ACTR3C: variants seen among roughly 807,000 people sequenced by gnomAD.
The protein encoded by ACTR3C is actin related protein 3C.
Under a neutral mutation model 26.3 loss-of-function variants are expected in ACTR3C, and 18 were observed. The observed-to-expected ratio is 0.68, with a 90% CI of 0.47 to 1.01. ACTR3C has a LOEUF of 1.01. Ranked by LOEUF, ACTR3C falls within the 50% of genes least tolerant of loss-of-function variation. The pLI is 0.00. For missense variants in ACTR3C, 184 were observed against 250.7 expected, an observed-to-expected ratio of 0.73 and a Z score of 1.80; for synonymous variants, 55 against 94.5, an observed-to-expected ratio of 0.58 and a Z score of 2.42.
chr7:150,146,820 C>G, the ACTR3C span, among the ~76,000 whole-genome samples: 24 of 152,294 alleles, frequency 1.6e-4, no homozygotes, highest in South Asian at 4.3e-3. Flanking sequence ...TGCTAAATAA[C>G]TGATGTATTT....
the ACTR3C span, among the ~76,000 whole-genome samples, chr7:150,180,552 GC>G: frequency 7.3e-6 from 1 of 136,098 alleles, no homozygotes; most frequent in Non-Finnish European, 1.5e-5. Flanking sequence ...TCGCTCTGTC[GC>G]CCAGGCTGGA....
chr7:149,964,972 ATTGTT>A, the ACTR3C span, among the ~76,000 whole-genome samples: 70 of 152,282 alleles, frequency 4.6e-4, no homozygotes, highest in Admixed American at 2.8e-3. Context: ...CCTCAAAAAT[ATTGTT>A]TTATTTATTG....
chr7:149,886,300 G>A, the ACTR3C span, among the ~76,000 whole-genome samples: 1 of 152,144 alleles, frequency 6.6e-6, no homozygotes, highest in East Asian at 1.9e-4. Flanking sequence ...AAAAATACCT[G>A]GGGCCTGCTT....
chr7:149,888,228 T>A, the ACTR3C span, among the ~76,000 whole-genome samples: 1 of 152,234 alleles, frequency 6.6e-6, no homozygotes, highest in Admixed American at 6.5e-5. Flanking sequence ...CCCCTATTAA[T>A]GACCCCTGTG....
intron 6 of ACTR3C, among the ~76,000 whole-genome samples, chr7:150,277,462 C>A (rs1014944475): frequency 2.6e-5 from 4 of 152,224 alleles, no homozygotes; most frequent in Admixed American, 1.3e-4. Flanking sequence ...ACCTGTTACT[C>A]TCCCTTGGTG....
At position 150,280,210 on chromosome 7, in the gene ACTR3C, T is replaced by C. The variant is rs559138644; in HGVS notation, c.564+4543A>G. Among the ~76,000 whole-genome samples the C allele has an allele frequency of 2.8e-4, 42 of 152,192 alleles. No homozygotes were observed. In the South Asian group the frequency reaches 8.7e-3, roughly 32 times the overall value. ...CCAATTACATCAGAATCTCCCAGGG[T>C]GGGACCCAGACTCCGGTCCATTTTA... On this transcript the variant is annotated intron_variant, in intron 6 of 7. Transcript: ENST00000683684.
chr7:149,936,835 C>T, the ACTR3C span, among the ~76,000 whole-genome samples: 1 of 151,888 alleles, frequency 6.6e-6, no homozygotes, highest in Non-Finnish European at 1.5e-5. Context: ...GTTGGCCAGG[C>T]TGGAGTGCAG....
the ACTR3C span, among the ~76,000 whole-genome samples, chr7:150,045,880 T>A: frequency 6.6e-6 from 1 of 152,226 alleles, no homozygotes; most frequent in East Asian, 1.9e-4. Flanking sequence ...TTCAACAATT[T>A]TAAGTCAGAT....
the ACTR3C span, among the ~76,000 whole-genome samples, chr7:149,897,994 C>T: frequency 6.6e-6 from 1 of 152,220 alleles, no homozygotes; most frequent in Non-Finnish European, 1.5e-5. Context: ...TTCCCCACCT[C>T]CTTTTCTCAT....
chr7:149,974,396 G>C, the ACTR3C span, among the ~76,000 whole-genome samples: 3 of 151,778 alleles, frequency 2.0e-5, no homozygotes, highest in South Asian at 4.2e-4. Flanking sequence ...AGGTATGCTT[G>C]TTAAAATAAG....
chr7:150,029,415 A>AAC, the ACTR3C span, among the ~76,000 whole-genome samples: 48 of 92,288 alleles, frequency 5.2e-4, 1 homozygote, highest in African/African-American at 1.4e-3. Context: ...AAAAAAAAAA[A>AAC]AACAAACAAA....
chr7:150,138,958 C>T, the ACTR3C span, among the ~76,000 whole-genome samples: 1 of 152,300 alleles, frequency 6.6e-6, no homozygotes, highest in African/African-American at 2.4e-5. Flanking sequence ...TCACTGTCTC[C>T]CATCATCCCC....
chr7:149,889,009 A>C, the ACTR3C span, among the ~76,000 whole-genome samples: 7 of 151,134 alleles, frequency 4.6e-5, no homozygotes, highest in Non-Finnish European at 1.0e-4. Context: ...ACTCCACCTG[A>C]AAAAAAAATA....
chr7:150,162,729 C>T, the ACTR3C span, among the ~76,000 whole-genome samples: 2 of 152,198 alleles, frequency 1.3e-5, no homozygotes, highest in African/African-American at 4.8e-5. Flanking sequence ...GCAATGGCAA[C>T]AATATCATCA....
the ACTR3C span, among the ~76,000 whole-genome samples, chr7:150,217,781 C>CCT: frequency 7.0e-6 from 1 of 142,440 alleles, no homozygotes; most frequent in East Asian, 2.2e-4. Context: ...GCAACAAGGA[C>CCT]CTCTTCTTTC....
chr7:150,100,793 T>G, the ACTR3C span, among the ~76,000 whole-genome samples: 2 of 151,224 alleles, frequency 1.3e-5, no homozygotes, highest in Admixed American at 1.3e-4. Flanking sequence ...AACCTCCCCC[T>G]CCCCGGGCTC....
At chr7:149,918,800 G>C in the ACTR3C span, among the ~76,000 whole-genome samples, 1 of 152,208 alleles carries the variant, frequency 6.6e-6, no homozygotes, top group African/African-American at 2.4e-5. Context: ...AGGACCCATC[G>C]TGCCTGACTT....
At chr7:150,223,605 A>G in the ACTR3C span, among the ~76,000 whole-genome samples, 1 of 151,818 alleles carries the variant, frequency 6.6e-6, no homozygotes, top group Non-Finnish European at 1.5e-5. Flanking sequence ...CTTACAATGG[A>G]GTTACAACAT....
At chr7:150,201,751 C>CA in the ACTR3C span, among the ~76,000 whole-genome samples, 603 of 117,964 alleles carry the variant, frequency 5.1e-3, 6 homozygotes, top group African/African-American at 0.013. Flanking sequence ...AGAGTGAATC[C>CA]AAAAAAAAAA....
Sources: gnomAD v4.1 joint callset for allele counts (sites outside exome capture counted in the v4.1 genomes callset) on GRCh38, gnomAD v4.1.1 for gene constraint, MANE v1.5 for transcripts, NCBI Gene and HGNC (gene_info 2026-07-23, HGNC 2026-07-21) for gene names.